IFIH1: variants seen among roughly 807,000 people sequenced by gnomAD.
The protein encoded by IFIH1 is interferon induced with helicase C domain 1.
In IFIH1, 125 loss-of-function variants were observed where a neutral mutation model predicts 107.4. The observed-to-expected ratio is 1.16, with a 90% CI of 1.01 to 1.35. IFIH1 has a LOEUF of 1.35. IFIH1 is among the 40% of genes most tolerant of loss of function. The probability of loss-of-function intolerance (pLI) is 0.00; values close to 1 mark genes in which losing one functional copy is unlikely to be tolerated. For missense variants in IFIH1, 1,333 were observed against 1,213.7 expected (o/e 1.10, Z -1.46); for synonymous variants, 458 against 413.2 (o/e 1.11, Z -1.31).
At chr2:162,311,310 A>T (rs1033695691) in intron 1 of IFIH1, among the ~76,000 whole-genome samples, 1 of 152,102 alleles carries the variant, frequency 6.6e-6, no homozygotes. Flanking sequence ...TATTTTCACC[A>T]ATTTCTTTCT....
Position 162,318,381 on chromosome 2 carries a change from C to T in IFIH1, c.-74G>A, listed in dbSNP as rs1051362602. 5 of 1,240,938 alleles carry T rather than the reference C, an allele frequency of 4.0e-6. No homozygotes were observed. The highest frequency in any genetic ancestry group is 5.8e-6 in the Non-Finnish European group (5 of 863,464). 76.9% of individuals were successfully genotyped at this position (1,240,938 alleles called of 1,614,324 possible). A position where few individuals can be genotyped will look rare whatever the true frequency, so the allele number is the denominator to read the frequency against. On this transcript the variant is annotated 5_prime_UTR_variant, in exon 1 of 16. Coordinates refer to ENST00000649979, the MANE Select transcript of IFIH1 (RefSeq NM_022168.4). ...TTGTCTGCGGGACAGGTGAAATGTG[C>T]GTGCCGCTGTCCGCTGCCCACTTAG...
In IFIH1 at chr2:162,314,267, A is replaced by C. The variant is rs1284278827; in HGVS notation, c.454-3334T>G. 2.0e-5 allele frequency among the ~76,000 whole-genome samples: 3 copies of C among 152,064 alleles called. No homozygotes were observed. In the East Asian group the frequency reaches 5.8e-4, roughly 29 times the overall value. ...CATTAAGGATTGCTTTATTATAATG[A>C]TTGATAAAATGGCATATATTTATTG... On this transcript the variant is annotated intron_variant, in intron 1 of 15. Coordinates refer to ENST00000649979, the MANE Select transcript of IFIH1 (RefSeq NM_022168.4).
intron 1 of IFIH1, among the ~76,000 whole-genome samples, chr2:162,314,583 G>A (rs556255408): frequency 1.3e-5 from 2 of 151,652 alleles, no homozygotes; most frequent in East Asian, 3.9e-4. Flanking sequence ...CGCCTCCCAG[G>A]TTCATGCCAT....
At chr2:162,275,675 A>G (rs1691138461) in intron 11 of IFIH1, among the ~76,000 whole-genome samples, 1 of 152,196 alleles carries the variant, frequency 6.6e-6, no homozygotes, top group Admixed American at 6.5e-5. Context: ...TGATAACTAT[A>G]ATAGAAAGGA....
intron 10 of IFIH1, 96 bp from the exon 11 acceptor site, chr2:162,277,042 C>T: frequency 4.8e-6 from 4 of 828,150 alleles, no homozygotes; most frequent in Non-Finnish European, 7.3e-6. Context: ...CAAAAATATA[C>T]AGTTTTATTG....
At chr2:162,304,774 T>C (rs1186898264) in intron 3 of IFIH1, among the ~76,000 whole-genome samples, 2 of 152,178 alleles carry the variant, frequency 1.3e-5, no homozygotes, top group South Asian at 2.1e-4. Flanking sequence ...TTGAAAAGAT[T>C]GAACATGATA....
intron 1 of IFIH1, among the ~76,000 whole-genome samples, chr2:162,311,898 C>A (rs1683390501): frequency 6.6e-6 from 1 of 151,940 alleles, no homozygotes; most frequent in South Asian, 2.1e-4. Flanking sequence ...AACCGTAAAG[C>A]CTTAAAAAAT....
chr2:162,294,435 C>G (rs1683049643), intron 3 of IFIH1, among the ~76,000 whole-genome samples: 1 of 151,892 alleles, frequency 6.6e-6, no homozygotes, highest in Admixed American at 6.6e-5. Context: ...ACTTACACAA[C>G]CTCATCCTCA....
Position 162,318,044 on chromosome 2 carries a change from G to A in IFIH1, c.264C>T (p.Ser88=), listed in dbSNP as rs1462359207. The A allele has an allele frequency of 6.2e-7, 1 of 1,614,052 alleles. No individual in the cohort carries two copies. Among genetic ancestry groups the A allele is most frequent in the Non-Finnish European group, 8.5e-7 (1 of 1,180,046 alleles). The change falls in exon 1 of 16, where the codon AGC becomes AGT. Residue 88 remains serine, a synonymous_variant. Coordinates refer to ENST00000649979, the MANE Select transcript of IFIH1 (RefSeq NM_022168.4). Reference sequence around the variant, plus strand: ...GGTTCATGTAGCGGGCGGCCAGAGGGCTGCCGGTTCTCCGGAGGGCCTCCA... The same window carrying A: ...GGTTCATGTAGCGGGCGGCCAGAGGACTGCCGGTTCTCCGGAGGGCCTCCA... The part of the protein sequence containing the change: ...EFVEALRRTG[S]PLAARYMNPE...
At chr2:162,282,862 GCAAGA>G (rs1427683907) in intron 5 of IFIH1, among the ~76,000 whole-genome samples, 1 of 151,590 alleles carries the variant, frequency 6.6e-6, no homozygotes, top group Non-Finnish European at 1.5e-5. Flanking sequence ...ACTAAACAAA[GCAAGA>G]CAAATTATTA....
intron 11 of IFIH1, among the ~76,000 whole-genome samples, chr2:162,274,548 T>A (rs1576223138): frequency 1.3e-5 from 2 of 152,266 alleles, no homozygotes; most frequent in South Asian, 4.1e-4. Flanking sequence ...TCATTAATTT[T>A]GAATGAGGTA....
chr2:162,277,651 T>A lies in IFIH1; in HGVS notation c.1808A>T (p.His603Leu). Residue 603 changes from histidine (H) to leucine (L), a missense_variant, in exon 10 of 16, where the codon CAT becomes CTT. His to Leu is a moderately conservative substitution (Grantham distance 99). Transcript: ENST00000649979. ...GNRKERVCAE[H>L]LRKYNEALQI... ...TAGGGCCTCATTGTACTTCCTCAAA[T>A]GTTCTGCACAAACACGTTCTTTGCG... is the stretch of plus-strand genomic sequence containing the variant. The A allele has an allele frequency of 1.2e-6, 2 of 1,612,428 alleles. No homozygotes were observed. The highest frequency in any genetic ancestry group is 1.7e-6 in the Non-Finnish European group (2 of 1,179,116).
chr2:162,281,278 C>T, intron 7 of IFIH1, 50 bp downstream of exon 7: 4 of 1,405,424 alleles, frequency 2.8e-6, no homozygotes, highest in Non-Finnish European at 4.0e-6. Flanking sequence ...GAAGTCCTGG[C>T]ATTTGTTTTA....
chr2:162,276,910 G>T lies in IFIH1; in HGVS notation c.2081C>A (p.Pro694Gln), dbSNP rs1437812090. ...GGTCAGCTTTTCATTTTCATATTCT[G>T]GGTTTTCAGCCAGCCTTTTCAACAT... ...NKMLKRLAEN[P>Q]EYENEKLTKL... is the part of the protein sequence containing the mutation. Residue 694 changes from proline to glutamine, a missense_variant, in exon 11 of 16, where the codon CCA (proline) becomes CAA (glutamine). Pro to Gln is a moderately conservative substitution (Grantham distance 76, BLOSUM62 -1). Coordinates refer to ENST00000649979, the MANE Select transcript of IFIH1 (RefSeq NM_022168.4). The T allele has an allele frequency of 6.2e-7, 1 of 1,609,250 alleles. No homozygotes were observed. The highest frequency in any genetic ancestry group is 1.3e-5 in the African/African-American group (1 of 74,506).
intron 5 of IFIH1, 105 bp downstream of exon 5, chr2:162,288,030 A>G (rs1558869597): frequency 2.9e-6 from 2 of 700,110 alleles, no homozygotes; most frequent in African/African-American, 1.8e-5. Context: ...CATTACTCTT[A>G]ATTAAACTAA....
intron 1 of IFIH1, among the ~76,000 whole-genome samples, chr2:162,317,332 G>A (rs1683514382): frequency 6.6e-6 from 1 of 152,150 alleles, no homozygotes; most frequent in African/African-American, 2.4e-5. Flanking sequence ...AACAGTAGCA[G>A]GCTTGATTTA....
chr2:162,285,970 C>A (rs1682886110), intron 5 of IFIH1, among the ~76,000 whole-genome samples: 1 of 151,960 alleles, frequency 6.6e-6, no homozygotes, highest in South Asian at 2.1e-4. Flanking sequence ...CCAGATAAGT[C>A]TGTGGATGCC....
intron 7 of IFIH1, among the ~76,000 whole-genome samples, chr2:162,281,013 A>G (rs1388216712): frequency 6.6e-6 from 1 of 152,080 alleles, no homozygotes; most frequent in Non-Finnish European, 1.5e-5. Flanking sequence ...TAGTTTATGC[A>G]TATTTCTATA....
At chr2:162,301,206 T>TG (rs1683187969) in intron 3 of IFIH1, among the ~76,000 whole-genome samples, 1 of 152,162 alleles carries the variant, frequency 6.6e-6, no homozygotes, top group Admixed American at 6.5e-5. Context: ...GCTCATTAGC[T>TG]GGGGTGGAAT....
Sources: allele counts gnomAD v4.1 joint callset (sites outside exome capture counted in the v4.1 genomes callset), GRCh38; gene constraint gnomAD v4.1.1; transcripts MANE v1.5; gene names NCBI Gene and HGNC (gene_info 2026-07-23, HGNC 2026-07-21).